CBX8: variants seen among roughly 807,000 people sequenced by gnomAD.
CBX8 encodes the protein chromobox 8.
Under a neutral mutation model 39.7 loss-of-function variants are expected in CBX8, and 8 were observed. The ratio of observed to expected loss-of-function variants is 0.20; its 90% CI spans 0.12 to 0.36. The LOEUF (loss-of-function observed/expected upper bound fraction) is 0.36, where lower values mean the gene tolerates loss of function less well. Among genes scored for constraint, CBX8 ranks in the 10% least tolerant of loss-of-function variants. The pLI is 1.00. For missense variants in CBX8, 505 were observed against 529.6 expected, an observed-to-expected ratio of 0.95 and a Z score of 0.46; for synonymous variants, 268 against 219.8, an observed-to-expected ratio of 1.22 and a Z score of -1.94.
At position 79,794,669 on chromosome 17, in the gene CBX8, T is replaced by C. The variant is rs775603727; in HGVS notation, c.1136A>G (p.Asn379Ser). The C allele has an allele frequency of 1.9e-5, 30 of 1,589,080 alleles. 1 individual carries two copies. In the South Asian group the frequency reaches 3.0e-4, roughly 16 times the overall value. ...CTCTTTAAAAAAGCCTTGGTCCGTG[T>C]TACTTTCCTTAATGGTGACGGTCAA... is the stretch of plus-strand genomic sequence containing the variant. ...NFLTVTIKESNTDQGFFKEKR is the reference protein window; with the variant it reads ...NFLTVTIKESSTDQGFFKEKR The change falls in exon 5 of 5, where the codon AAC becomes AGC. Residue 379 changes from asparagine to serine, a missense_variant. This residue lies in a region of CBX8 where 17 missense variants were observed against 39.0 expected (regional missense o/e 0.44). Coordinates refer to ENST00000269385, the MANE Select transcript of CBX8 (RefSeq NM_020649.3).
Position 79,795,346 on chromosome 17 carries a change from G to C in CBX8, c.459C>G (p.Asp153Glu), listed in dbSNP as rs868842913. 6.3e-7 allele frequency: 1 copy of C among 1,589,604 alleles called. No homozygotes were observed. ...GATCCCGCTCCCGGTCCCTATCCCG[G>C]TCTCGGTCCCGGTCCCGAGGGGCCT... ...RAEAPRDRDR[D>E]RDRDRERDRE... Residue 153 changes from aspartate to glutamate, a missense_variant, in exon 5 of 5, where the codon GAC becomes GAG. Physicochemically the swap from Asp to Glu is conservative, Grantham distance 45. This residue lies in a region of CBX8 where 456 missense variants were observed against 389.2 expected (regional missense o/e 1.17). Transcript: ENST00000269385. The surrounding 1 kb of genome is among the most constrained non-coding windows in gnomAD (Gnocchi z 5.8).
At position 79,794,897 on chromosome 17, in the gene CBX8, T is replaced by C. The variant is rs61758361; in HGVS notation, c.908A>G (p.Asn303Ser). The C allele has an allele frequency of 0.013, 20,288 of 1,610,708 alleles. 167 individuals carry two copies. The highest frequency in any genetic ancestry group is 0.031 in the Middle Eastern group (189 of 6,050). ...EAKGQGALDP[N>S]GTRVRHGSGP... Reference sequence around the variant, plus strand: ...TGAGCCATGTCGGACCCGGGTGCCATTGGGATCTAGGGCACCCTGGCCTTT... The same window carrying C: ...TGAGCCATGTCGGACCCGGGTGCCACTGGGATCTAGGGCACCCTGGCCTTT... Residue 303 changes from asparagine to serine, a missense_variant, in exon 5 of 5, where the codon AAT (asparagine) becomes AGT (serine). By Grantham distance (46) the Asn-to-Ser change is conservative. Transcript: ENST00000269385.
rs151204639 is a variant in CBX8 at position 79,794,982 on chromosome 17, G to A, written c.823C>T (p.Leu275=). 1,282 of 1,605,470 alleles carry A rather than the reference G, an allele frequency of 8.0e-4. 1 individual carries two copies. Among genetic ancestry groups the A allele is most frequent in the Non-Finnish European group, 1.0e-3 (1,224 of 1,175,430 alleles). ...SPSSAEATGK[L]AVDTFPARVI... ...CTGGCCGGGAAGGTGTCCACAGCCA[G>A]TTTGCCCGTGGCCTCAGCTGAGCTA... The change falls in exon 5 of 5, where the codon CTG becomes TTG. Residue 275 remains leucine, a synonymous_variant. Transcript: ENST00000269385.
At position 79,794,429 on chromosome 17, in the gene CBX8, T is replaced by A. The variant is rs1907989962; in HGVS notation, c.*206A>T. 1.0e-5 allele frequency: 4 copies of A among 381,668 alleles called. No individual in the cohort carries two copies. In the Admixed American group the frequency reaches 1.6e-4, roughly 15 times the overall value. 23.6% of individuals were successfully genotyped at this position (381,668 alleles called of 1,614,324 possible). A position where few individuals can be genotyped will look rare whatever the true frequency, so the allele number is the denominator to read the frequency against. On this transcript the variant is annotated 3_prime_UTR_variant, in exon 5 of 5. Coordinates refer to ENST00000269385, the MANE Select transcript of CBX8 (RefSeq NM_020649.3). Reference sequence around the variant, plus strand: ...ATTTTTCTTAAATAACATATTTACATCTAATAGAAAATATAACTCTAGAGA... The same window carrying A: ...ATTTTTCTTAAATAACATATTTACAACTAATAGAAAATATAACTCTAGAGA...
Position 79,794,682 on chromosome 17 carries a change from T to C in CBX8, c.1123A>G (p.Ile375Val). 1.9e-6 allele frequency: 3 copies of C among 1,593,476 alleles called. No homozygotes were observed. Among genetic ancestry groups the C allele is most frequent in the Non-Finnish European group, 2.6e-6 (3 of 1,173,880 alleles). ...CCTTGGTCCGTGTTACTTTCCTTAA[T>C]GGTGACGGTCAAAAAGTTTGAGGTC... ...DVTSNFLTVTIKESNTDQGFF... is the reference protein window; with the variant it reads ...DVTSNFLTVTVKESNTDQGFF... Residue 375 changes from isoleucine (I) to valine (V), a missense_variant, in exon 5 of 5, where the codon ATT becomes GTT. Ile to Val is a conservative substitution (Grantham distance 29). Around this residue, in one of 3 missense-constraint regions of CBX8, gnomAD observed 17 missense variants for 39.0 expected, o/e 0.44. Transcript: ENST00000269385.
chr17:79,795,362 C>A lies in CBX8; in HGVS notation c.443G>T (p.Arg148Leu), dbSNP rs372864497. 1.3e-6 allele frequency: 2 copies of A among 1,594,258 alleles called. No individual in the cohort carries two copies. Among genetic ancestry groups the A allele is most frequent in the Non-Finnish European group, 1.7e-6 (2 of 1,170,840 alleles). Residue 148 changes from arginine (R) to leucine (L), a missense_variant, in exon 5 of 5, where the codon CGG becomes CTG. This residue lies in a region of CBX8 where 456 missense variants were observed against 389.2 expected (regional missense o/e 1.17). Coordinates refer to ENST00000269385, the MANE Select transcript of CBX8 (RefSeq NM_020649.3). The surrounding 1 kb of genome is among the most constrained non-coding windows in gnomAD (Gnocchi z 5.8). ...CCTATCCCGGTCTCGGTCCCGGTCC[C>A]GAGGGGCCTCTGCGCGGCAGGTGCT... Reference protein sequence around the residue: ...TSSTCRAEAPRDRDRDRDRDR... With the variant: ...TSSTCRAEAPLDRDRDRDRDR...
At position 79,795,343 on chromosome 17, in the gene CBX8, C is replaced by A; in HGVS notation, c.462G>T (p.Arg154=). 3 of 1,589,198 alleles carry A rather than the reference C, an allele frequency of 1.9e-6. No homozygotes were observed. The highest frequency in any genetic ancestry group is 2.6e-6 in the Non-Finnish European group (3 of 1,167,716). ...CTCGATCCCGCTCCCGGTCCCTATC[C>A]CGGTCTCGGTCCCGGTCCCGAGGGG... ...AEAPRDRDRD[R]DRDRERDRER... Residue 154 remains arginine, a synonymous_variant, in exon 5 of 5, where the codon CGG becomes CGT. Coordinates refer to ENST00000269385, the MANE Select transcript of CBX8 (RefSeq NM_020649.3). This position sits in a 1 kb window ranked among gnomAD's most constrained non-coding sequence, Gnocchi z 5.8.
chr17:79,795,178 G>A lies in CBX8; in HGVS notation c.627C>T (p.Asp209=). 2 of 1,613,596 alleles carry A rather than the reference G, an allele frequency of 1.2e-6. No individual in the cohort carries two copies. The highest frequency in any genetic ancestry group is 1.7e-6 in the Non-Finnish European group (2 of 1,179,896). The change falls in exon 5 of 5, where the codon GAC becomes GAT. Residue 209 remains aspartate, a synonymous_variant. Coordinates refer to ENST00000269385, the MANE Select transcript of CBX8 (RefSeq NM_020649.3). The surrounding 1 kb of genome is among the most constrained non-coding windows in gnomAD (Gnocchi z 5.8). ...GTTCGCCTAAGGGCCTCTGTGAGGG[G>A]TCCGGGAGCTCCTTCCGGGGCTTGG... ...RGPKPRKELP[D]PSQRPLGEPS...
At position 79,794,749 on chromosome 17, in the gene CBX8, G is replaced by T; in HGVS notation, c.1056C>A (p.Ser352Arg). 14 of 1,611,372 alleles carry T rather than the reference G, an allele frequency of 8.7e-6. No homozygotes were observed. The highest frequency in any genetic ancestry group is 1.1e-5 in the Non-Finnish European group (13 of 1,177,576). ...CCTTCTCCAGGTTAGTCAGGGAGGGGCTCCAGGACTCTTCCTCCGGGTCCC... is the reference window on the plus strand; with the variant it reads ...CCTTCTCCAGGTTAGTCAGGGAGGGTCTCCAGGACTCTTCCTCCGGGTCCC... ...ILGDPEEESW[S>R]PSLTNLEKVV... is the part of the protein sequence containing the mutation. Residue 352 changes from serine (S) to arginine (R), a missense_variant, in exon 5 of 5, where the codon AGC (serine) becomes AGA (arginine). Physicochemically the swap from Ser to Arg is moderately radical, Grantham distance 110. Around this residue, in one of 3 missense-constraint regions of CBX8, gnomAD observed 456 missense variants for 389.2 expected, o/e 1.17. Transcript: ENST00000269385.
rs1908071898 is a variant in CBX8 at position 79,795,967 on chromosome 17, G to A, written c.246+90C>T. The A allele has an allele frequency of 2.6e-6, 3 of 1,150,070 alleles. No homozygotes were observed. Among genetic ancestry groups the A allele is most frequent in the Non-Finnish European group, 3.9e-6 (3 of 771,162 alleles). The allele number at this position is 1,150,070 out of a possible 1,614,324, so 71.2% of individuals were successfully genotyped here. A position where few individuals can be genotyped will look rare whatever the true frequency, so the allele number is the denominator to read the frequency against. On this transcript the variant is annotated intron_variant, in intron 4 of 4. Transcript: ENST00000269385. This position sits in a 1 kb window ranked among gnomAD's most constrained non-coding sequence, Gnocchi z 5.8. ...TACATTACAAATAGGCAACATGTGT[G>A]GACACCCCATTGGCTCACAGCCCTC...
intron 1 of CBX8, 27 bp downstream of exon 1, chr17:79,796,903 G>T (rs750380881): frequency 6.3e-7 from 1 of 1,589,116 alleles, no homozygotes; most frequent in Non-Finnish European, 8.6e-7. Flanking sequence ...CCGGCCGCAC[G>T]GAGGCCCTAG....
At position 79,796,309 on chromosome 17, in the gene CBX8, G is replaced by A. The variant is rs1908087426; in HGVS notation, c.120C>T (p.Ser40=). ...GGATGTTTTCCTCCGGTTCCCATGT[G>A]CTGTACCTAAAGGGAATCAGGAAGA... The part of the protein sequence containing the change: ...VKWKGWSQKY[S]TWEPEENILD... Residue 40 remains serine, a synonymous_variant, in exon 3 of 5, where the codon AGC becomes AGT. Coordinates refer to ENST00000269385, the MANE Select transcript of CBX8 (RefSeq NM_020649.3). 1 of 1,614,184 alleles carries A rather than the reference G, an allele frequency of 6.2e-7. No homozygotes were observed. The highest frequency in any genetic ancestry group is 8.5e-7 in the Non-Finnish European group (1 of 1,180,048).
At position 79,795,509 on chromosome 17, in the gene CBX8, G is replaced by T. The variant is rs373124618; in HGVS notation, c.296C>A (p.Ala99Asp). ...AGGGTAGGGGATCCGGATGCCCCTG[G>T]CTGAGTCACTTCGAAACTCGTAAGT... ...AKTYEFRSDS[A>D]RGIRIPYPGR... Residue 99 changes from alanine (A) to aspartate (D), a missense_variant, in exon 5 of 5, where the codon GCC becomes GAC. Transcript: ENST00000269385. This position sits in a 1 kb window ranked among gnomAD's most constrained non-coding sequence, Gnocchi z 5.8. 1 of 1,546,898 alleles carries T rather than the reference G, an allele frequency of 6.5e-7. No homozygotes were observed. Among genetic ancestry groups the T allele is most frequent in the African/African-American group, 1.4e-5 (1 of 72,338 alleles).
In CBX8 at chr17:79,795,327, G is replaced by A. The variant is rs201387278; in HGVS notation, c.478C>T (p.Arg160Trp). The A allele has an allele frequency of 1.3e-5, 21 of 1,581,760 alleles. No homozygotes were observed. The highest frequency in any genetic ancestry group is 2.7e-5 in the African/African-American group (2 of 74,572). ...RDRDRDRDRERDRERERERER... is the reference protein window; with the variant it reads ...RDRDRDRDREWDRERERERER... ...CGCTCCCTCTCCCTTTCTCGATCCCGCTCCCGGTCCCTATCCCGGTCTCGG... is the reference window on the plus strand; with the variant it reads ...CGCTCCCTCTCCCTTTCTCGATCCCACTCCCGGTCCCTATCCCGGTCTCGG... Residue 160 changes from arginine to tryptophan, a missense_variant, in exon 5 of 5, where the codon CGG (arginine) becomes TGG (tryptophan). Physicochemically the swap from Arg to Trp is moderately radical, Grantham distance 101. This residue lies in a region of CBX8 where 456 missense variants were observed against 389.2 expected (regional missense o/e 1.17). Coordinates refer to ENST00000269385, the MANE Select transcript of CBX8 (RefSeq NM_020649.3). This position sits in a 1 kb window ranked among gnomAD's most constrained non-coding sequence, Gnocchi z 5.8.
Position 79,797,013 on chromosome 17 carries a change from T to C in CBX8, c.-15A>G, listed in dbSNP as rs765392902. 2.5e-6 allele frequency: 4 copies of C among 1,604,446 alleles called. No individual in the cohort carries two copies. The highest frequency in any genetic ancestry group is 2.2e-5 in the South Asian group (2 of 89,484). ...GAAAGCTCCATGTTGACTCGCCGCTTCCCCCCTTGGCCGCTTCCAGGAGCA... is the reference window on the plus strand; with the variant it reads ...GAAAGCTCCATGTTGACTCGCCGCTCCCCCCCTTGGCCGCTTCCAGGAGCA... On this transcript the variant is annotated 5_prime_UTR_variant, in exon 1 of 5. Transcript: ENST00000269385.
At position 79,796,800 on chromosome 17, in the gene CBX8, C is replaced by T. The variant is rs1168332313; in HGVS notation, c.69+130G>A. The T allele has an allele frequency of 3.4e-6, 3 of 895,296 alleles. No homozygotes were observed. In the Admixed American group the frequency reaches 8.8e-5, roughly 26 times the overall value. The allele number at this position is 895,296 out of a possible 1,614,324, so 55.5% of individuals were successfully genotyped here. ...CGCCTGGGCTCAGAGCTGCCGCCGCCGCCGCCGCCACGGCCGCGGCCGCTG... is the reference window on the plus strand; with the variant it reads ...CGCCTGGGCTCAGAGCTGCCGCCGCTGCCGCCGCCACGGCCGCGGCCGCTG... On this transcript the variant is annotated intron_variant, in intron 1 of 4. Coordinates refer to ENST00000269385, the MANE Select transcript of CBX8 (RefSeq NM_020649.3).
chr17:79,796,738 C>G (rs1349435434), intron 1 of CBX8, among the ~76,000 whole-genome samples, 192 bp downstream of exon 1: 1 of 135,824 alleles, frequency 7.4e-6, no homozygotes, highest in East Asian at 2.7e-4. Context: ...CGCCCCCCAC[C>G]CATGCAATCC....
In CBX8 at chr17:79,796,757, C is replaced by T. The variant is rs572349112; in HGVS notation, c.69+173G>A. Reference sequence around the variant, plus strand: ...CCCCACCCATGCAATCCGTGCATCGCTGCAAGTCTAAGGAAAGCGCCTGGG... The same window carrying T: ...CCCCACCCATGCAATCCGTGCATCGTTGCAAGTCTAAGGAAAGCGCCTGGG... On this transcript the variant is annotated intron_variant, in intron 1 of 4. Transcript: ENST00000269385. 9.6e-5 allele frequency among the ~76,000 whole-genome samples: 13 copies of T among 134,978 alleles called. No homozygotes were observed. The South Asian group carries it at 3.6e-3, about 38-fold the overall frequency. The allele number at this position is 134,978 out of a possible 152,430, so 88.6% of individuals were successfully genotyped here.
chr17:79,795,084 A>G lies in CBX8; in HGVS notation c.721T>C (p.Phe241Leu). 1 of 1,610,810 alleles carries G rather than the reference A, an allele frequency of 6.2e-7. No homozygotes were observed. The highest frequency in any genetic ancestry group is 1.1e-5 in the South Asian group (1 of 90,308). Residue 241 changes from phenylalanine (F) to leucine (L), a missense_variant, in exon 5 of 5, where the codon TTT becomes CTT. Coordinates refer to ENST00000269385, the MANE Select transcript of CBX8 (RefSeq NM_020649.3). This position sits in a 1 kb window ranked among gnomAD's most constrained non-coding sequence, Gnocchi z 5.8. Reference protein sequence around the residue: ...LDDTPSGAGKFPAGHSVIQLA... With the variant: ...LDDTPSGAGKLPAGHSVIQLA... ...TGGATCACACTGTGGCCGGCTGGAA[A>G]CTTTCCTGCCCCGGAAGGGGTGTCG...
Sources: gnomAD v4.1 joint callset for allele counts (sites outside exome capture counted in the v4.1 genomes callset) on GRCh38, gnomAD v4.1.1 for gene constraint, gnomAD v4.1.1 regional missense constraint, Gnocchi (gnomAD v3.1) non-coding constraint, MANE v1.5 for transcripts, NCBI Gene and HGNC (gene_info 2026-07-23, HGNC 2026-07-21) for gene names.